Variants in GSE1 observed in about 807,000 individuals in gnomAD.
The protein encoded by GSE1 is Gse1 coiled-coil protein, also known as genetic suppressor element 1.
GSE1 carries 32 observed loss-of-function variants against 112.6 expected under a neutral mutation model. The observed-to-expected ratio is 0.28, with a 90% CI of 0.21 to 0.38. GSE1 has a LOEUF of 0.38. Among genes scored for constraint, GSE1 ranks in the 10% least tolerant of loss-of-function variants. The pLI, the probability that GSE1 is intolerant of heterozygous loss-of-function variation, is 1.00. For missense variants in GSE1, 2,348 were observed against 1,699.2 expected, an observed-to-expected ratio of 1.38 and a Z score of -6.71; for synonymous variants, 1,115 against 735.6, an observed-to-expected ratio of 1.52 and a Z score of -8.35.
intron 2 of GSE1, among the ~76,000 whole-genome samples, chr16:85,385,589 C>T (rs2047670239): frequency 6.6e-6 from 1 of 152,208 alleles, no homozygotes; most frequent in South Asian, 2.1e-4. Flanking sequence ...GCAGCCTCTG[C>T]ACCCAGCAAG....
At chr16:85,628,239 G>A (rs572533295) in intron 1 of GSE1, among the ~76,000 whole-genome samples, 36 of 152,356 alleles carry the variant, frequency 2.4e-4, no homozygotes, top group African/African-American at 8.2e-4. Context: ...TAATGAAGCC[G>A]CTCATTTGGA....
chr16:85,171,214 C>T (rs970737862), exon 1 of GSE1: 1 of 985,700 alleles, frequency 1.0e-6, no homozygotes, highest in South Asian at 4.7e-5. Context: ...GCAGGGCTTC[C>T]TGGGCAGGTA....
At chr16:85,566,743 T>C (rs1258238644) in intron 1 of GSE1, among the ~76,000 whole-genome samples, 2 of 152,206 alleles carry the variant, frequency 1.3e-5, no homozygotes, top group Non-Finnish European at 2.9e-5. Context: ...TCCTCGCTGG[T>C]CCTAACTTCT....
Position 85,671,066 on chromosome 16 carries a change from C to G in GSE1, c.3487C>G (p.Leu1163Val), listed in dbSNP as rs1250329766. ...GGAGGCCCGGCACTACAGCCTCAGCCTGACGGCAGAGCAGCTCTCCCACAG... is the reference window on the plus strand; with the variant it reads ...GGAGGCCCGGCACTACAGCCTCAGCGTGACGGCAGAGCAGCTCTCCCACAG... ...RLEARHYSLSLTAEQLSHSVA... is the reference protein window; with the variant it reads ...RLEARHYSLSVTAEQLSHSVA... Residue 1163 changes from leucine (L) to valine (V), a missense_variant, in exon 15 of 16, where the codon CTG becomes GTG. Coordinates refer to ENST00000253458, the MANE Select transcript of GSE1 (RefSeq NM_014615.5). 6 of 1,610,222 alleles carry G rather than the reference C, an allele frequency of 3.7e-6. No individual in the cohort carries two copies. Among genetic ancestry groups the G allele is most frequent in the African/African-American group, 2.7e-5 (2 of 74,834 alleles).
At chr16:85,640,876 T>A (rs1204265127) in intron 2 of GSE1, among the ~76,000 whole-genome samples, 2 of 152,238 alleles carry the variant, frequency 1.3e-5, no homozygotes, top group African/African-American at 4.8e-5. Flanking sequence ...GGCGTCCTCA[T>A]GGTGCCTCTC....
chr16:85,502,414 C>T (rs1217035632), intron 2 of GSE1, among the ~76,000 whole-genome samples: 1 of 152,168 alleles, frequency 6.6e-6, no homozygotes, highest in Non-Finnish European at 1.5e-5. Flanking sequence ...AGGGAGGAAG[C>T]AGGACTCCTC....
chr16:85,254,518 A>G (rs1018647040), intron 1 of GSE1, among the ~76,000 whole-genome samples: 5 of 152,140 alleles, frequency 3.3e-5, no homozygotes, highest in Non-Finnish European at 7.4e-5. Context: ...GAGGTCTGGC[A>G]ATGAGCGTCA....
intron 2 of GSE1, among the ~76,000 whole-genome samples, chr16:85,480,824 A>G (rs1385460698): frequency 1.3e-5 from 2 of 152,154 alleles, no homozygotes; most frequent in Middle Eastern, 3.4e-3. Context: ...TGCTCCCTGA[A>G]GTTTTGACCT....
chr16:85,656,042 C>T (rs1163687496), intron 6 of GSE1, 125 bp downstream of exon 6: 1 of 774,426 alleles, frequency 1.3e-6, no homozygotes, highest in African/African-American at 1.8e-5. Context: ...GTTTGTCCAC[C>T]TGCCAAATGG....
intron 2 of GSE1, among the ~76,000 whole-genome samples, chr16:85,428,113 T>C (rs1350674048): frequency 6.6e-6 from 1 of 152,158 alleles, no homozygotes; most frequent in Non-Finnish European, 1.5e-5. Context: ...GGGGCTTCGG[T>C]GCTGGGAACT....
chr16:85,572,107 CCA>C (rs1400255659), intron 1 of GSE1, among the ~76,000 whole-genome samples: 4 of 147,304 alleles, frequency 2.7e-5, no homozygotes, highest in East Asian at 4.2e-4. Flanking sequence ...CACACACACA[CCA>C]CACACAACGC....
intron 2 of GSE1, among the ~76,000 whole-genome samples, chr16:85,521,230 G>T (rs1259490675): frequency 6.6e-6 from 1 of 152,226 alleles, no homozygotes; most frequent in East Asian, 1.9e-4. Flanking sequence ...CTGGCGCCAG[G>T]CGTGGGAGCT....
At chr16:85,349,177 T>A (rs1415217894) in intron 1 of GSE1, among the ~76,000 whole-genome samples, 1 of 152,232 alleles carries the variant, frequency 6.6e-6, no homozygotes, top group Non-Finnish European at 1.5e-5. Context: ...CCTTTAGTTG[T>A]CTGCTTATCA....
At chr16:85,310,336 A>G (rs967254673) in intron 1 of GSE1, among the ~76,000 whole-genome samples, 9 of 152,290 alleles carry the variant, frequency 5.9e-5, no homozygotes, top group Admixed American at 2.0e-4. Flanking sequence ...TCAGCGCCTT[A>G]ATATGTGTGA....
intron 1 of GSE1, among the ~76,000 whole-genome samples, chr16:85,273,606 G>T (rs1429101911): frequency 6.6e-6 from 1 of 152,190 alleles, no homozygotes; most frequent in East Asian, 1.9e-4. Context: ...GAACAGGCCA[G>T]TCCATAGGGT....
At chr16:85,627,417 G>A (rs570143615) in intron 1 of GSE1, among the ~76,000 whole-genome samples, 3 of 152,110 alleles carry the variant, frequency 2.0e-5, no homozygotes, top group African/African-American at 7.2e-5. Context: ...GAAGGGGTAT[G>A]TCCCCTGGCC....
rs140872768 is a variant in GSE1, at chr16:85,329,012, G to C, written c.2284-28451G>C. On this transcript the variant is annotated intron_variant, in intron 1 of 2. Coordinates refer to the GSE1 transcript ENST00000637419. ...AGGGCCCAAGAGGGGCGTTCGGTGGGGGATTGAGGGGTGAGGTCAGCTGCC... is the reference window on the plus strand; with the variant it reads ...AGGGCCCAAGAGGGGCGTTCGGTGGCGGATTGAGGGGTGAGGTCAGCTGCC... Among the ~76,000 whole-genome samples the C allele has an allele frequency of 2.8e-3, 434 of 152,308 alleles. 4 individuals are homozygous for C. The highest frequency in any genetic ancestry group is 0.01 in the African/African-American group (429 of 41,580).
At chr16:85,590,325 TGA>T (rs2046939626) in intron 1 of GSE1, among the ~76,000 whole-genome samples, 1 of 146,872 alleles carries the variant, frequency 6.8e-6, no homozygotes, top group African/African-American at 2.6e-5. Flanking sequence ...TGTGTGAATG[TGA>T]GTGTGTGTGA....
Position 85,623,113 on chromosome 16 carries a change from A to G in GSE1, c.7+9715A>G, listed in dbSNP as rs549534352. On this transcript the variant is annotated intron_variant, in intron 1 of 15. Coordinates refer to ENST00000253458, the MANE Select transcript of GSE1 (RefSeq NM_014615.5). ...CCTTCTCGTTGACTTGAAGCCTCCT[A>G]TTTTAAGACATTGCCCATTGATTCT... is the stretch of plus-strand genomic sequence containing the variant. 3.9e-5 allele frequency among the ~76,000 whole-genome samples: 6 copies of G among 152,096 alleles called. No homozygotes were observed. The East Asian group carries it at 7.7e-4, about 20-fold the overall frequency.
Sources: allele counts gnomAD v4.1 joint callset (sites outside exome capture counted in the v4.1 genomes callset), GRCh38; gene constraint gnomAD v4.1.1; transcripts MANE v1.5; gene names NCBI Gene and HGNC (gene_info 2026-07-23, HGNC 2026-07-21).